The following PCSK2 variants were observed in gnomAD, a reference collection of about 807,000 sequenced individuals.
PCSK2 encodes proprotein convertase subtilisin/kexin type 2, also known as neuroendocrine convertase 2.
In PCSK2, 14 loss-of-function variants were observed where a neutral mutation model predicts 69.7. The observed-to-expected ratio is 0.20, with a 90% confidence interval of 0.13 to 0.31. The LOEUF (loss-of-function observed/expected upper bound fraction) is 0.31. PCSK2 is among the 10% of genes least tolerant of loss of function. The probability of loss-of-function intolerance (pLI) is 1.00; values close to 1 mark genes in which losing one functional copy is unlikely to be tolerated. For synonymous variants in PCSK2, 307 were observed against 320.7 expected, an observed-to-expected ratio of 0.96 and a Z score of 0.46; for missense variants, 544 against 842.5, an observed-to-expected ratio of 0.65 and a Z score of 4.39.
intron 2 of PCSK2, among the ~76,000 whole-genome samples, chr20:17,268,794 T>A (rs1235216434): frequency 6.6e-6 from 1 of 152,054 alleles, no homozygotes; most frequent in East Asian, 1.9e-4. Context: ...ACTAGAGAGA[T>A]CCATGCAAGG....
intron 2 of PCSK2, among the ~76,000 whole-genome samples, chr20:17,348,106 A>AG (rs2029877260): frequency 6.6e-6 from 1 of 151,076 alleles, no homozygotes; most frequent in Non-Finnish European, 1.5e-5. Flanking sequence ...AAAGAAAGAA[A>AG]AGAAAAGAAA....
At position 17,439,694 on chromosome 20, in the gene PCSK2, T is replaced by C. The variant is rs1246760785; in HGVS notation, c.885+2811T>C. On this transcript the variant is annotated intron_variant, in intron 8 of 11. Transcript: ENST00000262545. ...ACTAAAGCATCTCACTGGACAAAAA[T>C]TGGCAAGTTCACATGTAACTTCCTC... Among the ~76,000 whole-genome samples, 4 of 152,324 alleles carry C rather than the reference T, an allele frequency of 2.6e-5. No homozygotes were observed. In the East Asian group the frequency reaches 5.8e-4, roughly 22 times the overall value.
At position 17,271,696 on chromosome 20, in the gene PCSK2, A is replaced by G. The variant is rs140445803; in HGVS notation, c.282+11352A>G. Among the ~76,000 whole-genome samples the G allele has an allele frequency of 1.7e-3, 252 of 152,252 alleles. 1 individual carries two copies. Among genetic ancestry groups the G allele is most frequent in the African/African-American group, 5.8e-3 (242 of 41,560 alleles). ...TATTCTCAGCTAATTGTTACCTCCAATAATGGACGCCCTGGTTGCCACATC... is the reference window on the plus strand; with the variant it reads ...TATTCTCAGCTAATTGTTACCTCCAGTAATGGACGCCCTGGTTGCCACATC... On this transcript the variant is annotated intron_variant, in intron 2 of 11. Coordinates refer to ENST00000262545, the MANE Select transcript of PCSK2 (RefSeq NM_002594.5).
chr20:17,438,642 G>A (rs953695510), intron 8 of PCSK2, among the ~76,000 whole-genome samples: 78 of 152,120 alleles, frequency 5.1e-4, no homozygotes, highest in African/African-American at 1.8e-3. Context: ...CCAGGCCTGG[G>A]GGCCACCCCA....
intron 2 of PCSK2, among the ~76,000 whole-genome samples, chr20:17,303,293 T>C (rs1174704593): frequency 4.3e-5 from 6 of 138,702 alleles, no homozygotes; most frequent in African/African-American, 1.6e-4. Context: ...ATTACATGTA[T>C]ATTATATATT....
intron 2 of PCSK2, among the ~76,000 whole-genome samples, chr20:17,272,133 A>C (rs1211256937): frequency 6.6e-6 from 1 of 152,096 alleles, no homozygotes; most frequent in Non-Finnish European, 1.5e-5. Flanking sequence ...TAGAGTAAGC[A>C]TTCTTAGTTC....
At chr20:17,372,900 C>T (rs996169671) in intron 5 of PCSK2, among the ~76,000 whole-genome samples, 1 of 152,156 alleles carries the variant, frequency 6.6e-6, no homozygotes, top group Non-Finnish European at 1.5e-5. Context: ...AAAAATTTTA[C>T]ACTATCATTA....
intron 4 of PCSK2, among the ~76,000 whole-genome samples, chr20:17,367,064 C>T (rs1476421342): frequency 6.6e-6 from 1 of 151,362 alleles, no homozygotes; most frequent in Non-Finnish European, 1.5e-5. Context: ...TGAAAAAAGA[C>T]ACACACAGAG....
chr20:17,461,099 C>A (rs921787840), intron 10 of PCSK2, among the ~76,000 whole-genome samples: 1 of 152,094 alleles, frequency 6.6e-6, no homozygotes, highest in Non-Finnish European at 1.5e-5. Context: ...CCTGCCATGG[C>A]AATGGGTTGC....
intron 2 of PCSK2, among the ~76,000 whole-genome samples, chr20:17,341,072 T>C (rs1375466551): frequency 6.6e-6 from 1 of 151,946 alleles, no homozygotes; most frequent in Non-Finnish European, 1.5e-5. Context: ...CCAAAATGTC[T>C]CTACTAAAAA....
intron 5 of PCSK2, among the ~76,000 whole-genome samples, chr20:17,376,352 C>G (rs1364707742): frequency 6.6e-6 from 1 of 152,252 alleles, no homozygotes; most frequent in African/African-American, 2.4e-5. Context: ...TAAACACCTG[C>G]TGTTATATGC....
intron 2 of PCSK2, among the ~76,000 whole-genome samples, chr20:17,312,266 A>T (rs898602356): frequency 1.3e-5 from 2 of 152,172 alleles, no homozygotes; most frequent in African/African-American, 4.8e-5. Flanking sequence ...GGTGACATCC[A>T]TCTCAGAGTC....
chr20:17,287,108 G>A (rs1343933912), intron 2 of PCSK2, among the ~76,000 whole-genome samples: 1 of 152,020 alleles, frequency 6.6e-6, no homozygotes, highest in East Asian at 1.9e-4. Context: ...TATTTTGAGG[G>A]CAATCTGCTT....
Position 17,483,322 on chromosome 20 carries a change from C to T in PCSK2, c.*1252C>T, listed in dbSNP as rs923013995. 1 of 152,138 alleles carries T rather than the reference C, an allele frequency of 6.6e-6. No homozygotes were observed. The highest frequency in any genetic ancestry group is 1.5e-5 in the Non-Finnish European group (1 of 68,010). 9.4% of individuals were successfully genotyped at this position (152,138 alleles called of 1,614,324 possible). ...TGAGAGAAGACCTCTGTGAGGAAAG[C>T]ACACAGTCACCTTCTCGGCAACTAA... On this transcript the variant is annotated 3_prime_UTR_variant, in exon 12 of 12. Coordinates refer to ENST00000262545, the MANE Select transcript of PCSK2 (RefSeq NM_002594.5).
chr20:17,348,090 A>AGAAAGAAT (rs1555790049), intron 2 of PCSK2, among the ~76,000 whole-genome samples: 2,187 of 142,800 alleles, frequency 0.015, 42 homozygotes, highest in Middle Eastern at 0.042. Context: ...AAAGAAAGAA[A>AGAAAGAAT]GAAAGAAAGA....
At chr20:17,367,791 C>A (rs1181475856) in intron 4 of PCSK2, among the ~76,000 whole-genome samples, 1 of 152,176 alleles carries the variant, frequency 6.6e-6, no homozygotes, top group South Asian at 2.1e-4. Context: ...AGCCACCATG[C>A]CTGACCAAAA....
chr20:17,402,140 C>T (rs1006532149), intron 5 of PCSK2, among the ~76,000 whole-genome samples: 8 of 152,326 alleles, frequency 5.3e-5, no homozygotes, highest in African/African-American at 1.9e-4. Context: ...CAACTGTTTG[C>T]TCCTTCCTGC....
chr20:17,440,124 T>C (rs1407795797), intron 8 of PCSK2, among the ~76,000 whole-genome samples: 2 of 152,184 alleles, frequency 1.3e-5, no homozygotes, highest in African/African-American at 4.8e-5. Flanking sequence ...CTGCCCCCCA[T>C]TGGCTGGGGA....
At chr20:17,296,486 C>A (rs1487156349) in intron 2 of PCSK2, among the ~76,000 whole-genome samples, 1 of 152,182 alleles carries the variant, frequency 6.6e-6, no homozygotes, top group African/African-American at 2.4e-5. Flanking sequence ...CCTGTGCTCA[C>A]CTGGACGCCA....
Sources: gnomAD v4.1 joint callset for allele counts (sites outside exome capture counted in the v4.1 genomes callset) on GRCh38, gnomAD v4.1.1 for gene constraint, MANE v1.5 for transcripts, NCBI Gene and HGNC (gene_info 2026-07-23, HGNC 2026-07-21) for gene names.